GPBP1L1: variants seen among roughly 807,000 people sequenced by gnomAD.
GPBP1L1 encodes the protein GC-rich promoter binding protein 1 like 1.
In GPBP1L1, 23 loss-of-function variants were observed where a neutral mutation model predicts 52.5. That is an observed-to-expected ratio of 0.44 (90% confidence interval 0.32 to 0.62). The LOEUF (loss-of-function observed/expected upper bound fraction) is 0.62, where lower values mean the gene tolerates loss of function less well. Ranked by LOEUF, GPBP1L1 falls within the 20% of genes least tolerant of loss-of-function variation. The pLI is 0.06. For missense variants in GPBP1L1, 596 were observed against 579.3 expected (o/e 1.03, Z -0.30); for synonymous variants, 243 against 203.1 (o/e 1.20, Z -1.67).
chr1:45,640,378 G>A lies in GPBP1L1; in HGVS notation c.576C>T (p.Pro192=). 1 of 1,613,988 alleles carries A rather than the reference G, an allele frequency of 6.2e-7. No individual in the cohort carries two copies. Among genetic ancestry groups the A allele is most frequent in the Non-Finnish European group, 8.5e-7 (1 of 1,180,002 alleles). The change falls in exon 8 of 13, where the codon CCC becomes CCT. Residue 192 remains proline, a synonymous_variant. Transcript: ENST00000355105. The part of the protein sequence containing the change: ...VWENPPSAKQ[P]SKMLVIKKVS... ...CTTTTTTGATAACTAGCATCTTGGA[G>A]GGTTGCTTGGCACTAGGCGGGTTTT...
Position 45,634,201 on chromosome 1 carries a change from C to A in GPBP1L1, c.780G>T (p.Lys260Asn). Residue 260 changes from lysine to asparagine, a missense_variant, in exon 9 of 13, where the codon AAG (lysine) becomes AAT (asparagine). Physicochemically the swap from Lys to Asn is moderately conservative, Grantham distance 94. Coordinates refer to ENST00000355105, the MANE Select transcript of GPBP1L1 (RefSeq NM_021639.5). ...NAWKANRMEH[K>N]SGSLSSSRES... ...CCCGGCTAGAGGAAAGGGATCCTGA[C>A]TTGTGCTCCATCCTGTTAGCTTTCC... 1.2e-6 allele frequency: 2 copies of A among 1,613,790 alleles called. No individual in the cohort carries two copies. The highest frequency in any genetic ancestry group is 1.7e-6 in the Non-Finnish European group (2 of 1,179,758).
At chr1:45,670,766 T>C (rs944329643) in intron 2 of GPBP1L1, among the ~76,000 whole-genome samples, 6 of 151,948 alleles carry the variant, frequency 3.9e-5, no homozygotes, top group Non-Finnish European at 8.8e-5. Flanking sequence ...ATTTACATAT[T>C]TCTACACTAC....
chr1:45,679,404 C>T (rs1645185376), intron 2 of GPBP1L1, among the ~76,000 whole-genome samples: 1 of 152,206 alleles, frequency 6.6e-6, no homozygotes, highest in Admixed American at 6.5e-5. Context: ...ACGGTCCTTG[C>T]ATCTTTGCAT....
At position 45,642,814 on chromosome 1, in the gene GPBP1L1, C is replaced by T. The variant is rs184467771; in HGVS notation, c.478-315G>A. 1.0e-3 allele frequency among the ~76,000 whole-genome samples: 159 copies of T among 152,246 alleles called. 1 individual carries two copies. Among genetic ancestry groups the T allele is most frequent in the African/African-American group, 3.6e-3 (151 of 41,552 alleles). ...AGGATATGTATGCCAAATAAGGAGG[C>T]ACTGAAAGTTAGATGAACAAGAATG... On this transcript the variant is annotated intron_variant, in intron 6 of 12. Transcript: ENST00000355105.
intron 6 of GPBP1L1, among the ~76,000 whole-genome samples, chr1:45,643,582 T>C (rs1406083035): frequency 6.7e-6 from 1 of 149,426 alleles, no homozygotes; most frequent in Admixed American, 6.7e-5. Context: ...AGCAATAGAC[T>C]AGACTTAATA....
chr1:45,682,589 A>C (rs751042390), intron 2 of GPBP1L1, among the ~76,000 whole-genome samples: 5 of 152,196 alleles, frequency 3.3e-5, no homozygotes, highest in Non-Finnish European at 7.4e-5. Context: ...TCTTTGTTTT[A>C]TGGTCATCTA....
rs551856323 is a variant in GPBP1L1 at position 45,663,438 on chromosome 1, A to G, written c.-1097-2213T>C. On this transcript the variant is annotated intron_variant, in intron 2 of 12. Coordinates refer to ENST00000355105, the MANE Select transcript of GPBP1L1 (RefSeq NM_021639.5). ...TACATACCGAATCCAAAGTTTCTAT[A>G]GCAGAGTCCCAACTTAGGCAGTGAC... Among the ~76,000 whole-genome samples the G allele has an allele frequency of 2.7e-3, 417 of 152,342 alleles. 2 individuals are homozygous for G. Among genetic ancestry groups the G allele is most frequent in the African/African-American group, 9.0e-3 (376 of 41,582 alleles).
intron 4 of GPBP1L1, chr1:45,656,119 C>T (rs961066549): frequency 1.3e-5 from 2 of 152,138 alleles, no homozygotes; most frequent in African/African-American, 4.8e-5. Flanking sequence ...AGATATAATA[C>T]CTGTAACAAT....
chr1:45,633,150 C>T (rs532426934), intron 10 of GPBP1L1, among the ~76,000 whole-genome samples: 28 of 152,266 alleles, frequency 1.8e-4, no homozygotes, highest in African/African-American at 6.3e-4. Context: ...CCAGCAATTG[C>T]GCTCCTTGGT....
intron 2 of GPBP1L1, among the ~76,000 whole-genome samples, chr1:45,663,455 G>C (rs1057031197): frequency 1.3e-5 from 2 of 152,168 alleles, no homozygotes; most frequent in African/African-American, 4.8e-5. Flanking sequence ...TCCCAACTTA[G>C]GCAGTGACTG....
At chr1:45,674,804 T>C (rs1461629971) in intron 2 of GPBP1L1, among the ~76,000 whole-genome samples, 1 of 152,252 alleles carries the variant, frequency 6.6e-6, no homozygotes, top group East Asian at 1.9e-4. Context: ...TAGGCTAAGC[T>C]ATGATGCTTC....
intron 2 of GPBP1L1, among the ~76,000 whole-genome samples, chr1:45,675,221 C>A (rs1645124876): frequency 6.6e-6 from 1 of 151,930 alleles, no homozygotes; most frequent in African/African-American, 2.4e-5. Flanking sequence ...CGCTTGAACC[C>A]AGGAGGCGGA....
chr1:45,640,393 A>G lies in GPBP1L1; in HGVS notation c.561T>C (p.Pro187=), dbSNP rs978782998. 7.4e-6 allele frequency: 12 copies of G among 1,613,476 alleles called. No homozygotes were observed. In the African/African-American group the frequency reaches 1.6e-4, roughly 22 times the overall value. ...GCATCTTGGAGGGTTGCTTGGCACT[A>G]GGCGGGTTTTCTGTGAAGTACAAGA... ...GTPSGVWENP[P]SAKQPSKMLV... Residue 187 remains proline, a synonymous_variant, in exon 8 of 13, where the codon CCT becomes CCC. Coordinates refer to ENST00000355105, the MANE Select transcript of GPBP1L1 (RefSeq NM_021639.5).
intron 2 of GPBP1L1, among the ~76,000 whole-genome samples, chr1:45,664,851 G>A (rs1644990816): frequency 6.6e-6 from 1 of 151,822 alleles, no homozygotes; most frequent in African/African-American, 2.4e-5. Context: ...GTTAATTTTT[G>A]TATTTTTAGC....
In GPBP1L1 at chr1:45,654,667, C is replaced by A; in HGVS notation, c.353G>T (p.Arg118Leu). 1 of 1,614,152 alleles carries A rather than the reference C, an allele frequency of 6.2e-7. No homozygotes were observed. The highest frequency in any genetic ancestry group is 8.5e-7 in the Non-Finnish European group (1 of 1,180,018). Residue 118 changes from arginine to leucine, a missense_variant, in exon 6 of 13, where the codon CGC becomes CTC. Transcript: ENST00000355105. The part of the protein sequence containing the change: ...QRSGGGTGNH[R>L]HWNGSFHSRK... Reference sequence around the variant, plus strand: ...GGAGTGGAAGCTGCCATTCCAATGGCGATGGTTCCCTGTGCCACCTCCACT... The same window carrying A: ...GGAGTGGAAGCTGCCATTCCAATGGAGATGGTTCCCTGTGCCACCTCCACT...
chr1:45,666,805 T>C (rs1645015873), intron 2 of GPBP1L1, among the ~76,000 whole-genome samples: 1 of 152,192 alleles, frequency 6.6e-6, no homozygotes, highest in Non-Finnish European at 1.5e-5. Context: ...AACTGAAATG[T>C]CTATCAACAG....
At chr1:45,664,585 A>AAATAT (rs1383550967) in intron 2 of GPBP1L1, among the ~76,000 whole-genome samples, 1 of 152,134 alleles carries the variant, frequency 6.6e-6, no homozygotes, top group Admixed American at 6.5e-5. Context: ...AAATAAAATA[A>AAATAT]AATAAAATTA....
At chr1:45,634,378 T>C (rs1201046306) in intron 8 of GPBP1L1, 142 bp from the exon 9 acceptor site, 22 of 772,430 alleles carry the variant, frequency 2.8e-5, no homozygotes, top group Middle Eastern at 4.0e-4. Flanking sequence ...TTGGGAAGTA[T>C]GCAACCTCTT....
rs1309874655 is a variant in GPBP1L1, at chr1:45,640,230, G to A, written c.724C>T (p.Pro242Ser). 1 of 1,613,942 alleles carries A rather than the reference G, an allele frequency of 6.2e-7. No homozygotes were observed. Among genetic ancestry groups the A allele is most frequent in the Non-Finnish European group, 8.5e-7 (1 of 1,179,840 alleles). ...PSVYKNLVPK[P>S]VPPPSKPNAW... ...CATACCTTGGAAGGAGGTGGTACAG[G>A]CTTAGGAACCAGGTTCTTATAGACA... The change falls in exon 8 of 13, where the codon CCT becomes TCT. Residue 242 changes from proline (P) to serine (S), a missense_variant. Pro to Ser is a moderately conservative substitution (Grantham distance 74). Coordinates refer to ENST00000355105, the MANE Select transcript of GPBP1L1 (RefSeq NM_021639.5).
Sources: gnomAD v4.1 joint callset for allele counts (sites outside exome capture counted in the v4.1 genomes callset) on GRCh38, gnomAD v4.1.1 for gene constraint, MANE v1.5 for transcripts, NCBI Gene and HGNC (gene_info 2026-07-23, HGNC 2026-07-21) for gene names.